Variants in MAN2A1 observed in about 807,000 individuals in gnomAD.
MAN2A1 encodes mannosidase alpha class 2A member 1.
Under a neutral mutation model 142.6 loss-of-function variants are expected in MAN2A1, and 76 were observed. The ratio of observed to expected loss-of-function variants is 0.53; its 90% CI spans 0.44 to 0.65. The LOEUF (loss-of-function observed/expected upper bound fraction) is 0.65, where lower values mean the gene tolerates loss of function less well. MAN2A1 is among the 30% of genes least tolerant of loss of function. The pLI, the probability that MAN2A1 is intolerant of heterozygous loss-of-function variation, is 0.00. For synonymous variants in MAN2A1, 559 were observed against 473.2 expected, an observed-to-expected ratio of 1.18 and a Z score of -2.35; for missense variants, 1,311 against 1,365.1, an observed-to-expected ratio of 0.96 and a Z score of 0.62.
Position 109,842,806 on chromosome 5 carries a change from G to GTTTTTTTTTT in MAN2A1, c.2700+353_2700+362dup, listed in dbSNP as rs768238978. The stretch of plus-strand genomic sequence containing the variant: ...GGGATTGATGGATTATACTTATTGG[G>GTTTTTTTTTT]TTTTTTTTTTTTTTTTTGAGAAAGA... On this transcript the variant is annotated intron_variant, in intron 17 of 21. Transcript: ENST00000261483. Among the ~76,000 whole-genome samples, 26 of 116,210 alleles carry GTTTTTTTTTT rather than the reference G, an allele frequency of 2.2e-4. 2 individuals carry two copies. The highest frequency in any genetic ancestry group is 3.1e-4 in the East Asian group (1 of 3,180). The allele number at this position is 116,210 out of a possible 152,430, so 76.2% of individuals were successfully genotyped here. A position where few individuals can be genotyped will look rare whatever the true frequency, so the allele number is the denominator to read the frequency against.
intron 3 of MAN2A1, among the ~76,000 whole-genome samples, chr5:109,723,097 A>G (rs1010029015): frequency 2.0e-5 from 3 of 152,180 alleles, no homozygotes; most frequent in Admixed American, 2.0e-4. Flanking sequence ...ATAAGGGGTC[A>G]CAGTTGTACA....
At chr5:109,846,035 C>G in intron 18 of MAN2A1, 29 bp downstream of exon 18, 1 of 1,568,520 alleles carries the variant, frequency 6.4e-7, no homozygotes, top group Non-Finnish European at 8.6e-7. Context: ...CTTTTCCACT[C>G]TGAAAGGTTT....
At chr5:109,790,796 A>G (rs149163147) in intron 12 of MAN2A1, among the ~76,000 whole-genome samples, 2,246 of 152,112 alleles carry the variant, frequency 0.015, 37 homozygotes, top group Middle Eastern at 0.068. Flanking sequence ...GCTGGTTATA[A>G]GAATAATATA....
At chr5:109,808,368 AG>A (rs1442160317) in intron 12 of MAN2A1, among the ~76,000 whole-genome samples, 1 of 152,206 alleles carries the variant, frequency 6.6e-6, no homozygotes, top group Non-Finnish European at 1.5e-5. Context: ...AACCTAGAGG[AG>A]GTAACTATTA....
intron 20 of MAN2A1, 84 bp downstream of exon 20, chr5:109,855,418 T>A (rs185155660): frequency 2.4e-6 from 2 of 837,784 alleles, no homozygotes; most frequent in African/African-American, 3.5e-5. Context: ...AAAAAAATAA[T>A]GTATGCTTTA....
intron 3 of MAN2A1, among the ~76,000 whole-genome samples, chr5:109,720,844 C>T (rs1336526477): frequency 6.6e-6 from 1 of 152,192 alleles, no homozygotes; most frequent in Non-Finnish European, 1.5e-5. Context: ...AGGAACTTTA[C>T]TGATCAGAAT....
In MAN2A1 at chr5:109,704,829, G is replaced by A. The variant is rs73217330; in HGVS notation, c.136-8691G>A. ...TCTTAACTGGGGATGTGTGAGAATC[G>A]CCTGGTGAGCCATTTTAAATTATAA... On this transcript the variant is annotated intron_variant, in intron 1 of 21. Transcript: ENST00000261483. Among the ~76,000 whole-genome samples, 419 of 152,208 alleles carry A rather than the reference G, an allele frequency of 2.8e-3. 1 individual carries two copies. The highest frequency in any genetic ancestry group is 8.1e-3 in the African/African-American group (337 of 41,538).
intron 4 of MAN2A1, among the ~76,000 whole-genome samples, chr5:109,734,565 G>C (rs967786658): frequency 6.6e-6 from 1 of 152,112 alleles, no homozygotes; most frequent in African/African-American, 2.4e-5. Flanking sequence ...ATTCTGGTAT[G>C]TTGTGTCTTT....
chr5:109,693,226 A>G (rs866328932), intron 1 of MAN2A1, among the ~76,000 whole-genome samples: 3 of 152,134 alleles, frequency 2.0e-5, no homozygotes, highest in South Asian at 2.1e-4. Flanking sequence ...AGAGCTAAAC[A>G]TTATAATGAA....
chr5:109,740,986 A>T (rs1250542957), intron 4 of MAN2A1, among the ~76,000 whole-genome samples: 2 of 152,288 alleles, frequency 1.3e-5, no homozygotes, highest in Non-Finnish European at 2.9e-5. Context: ...GATATACAAA[A>T]ATGGCAATTT....
At chr5:109,774,646 C>T in intron 7 of MAN2A1, 142 bp from the exon 8 acceptor site, 4 of 600,350 alleles carry the variant, frequency 6.7e-6, no homozygotes, top group South Asian at 2.1e-5. Flanking sequence ...TTATACTAAC[C>T]TTGCAGATAG....
At position 109,869,037 on chromosome 5, in the gene MAN2A1, T is replaced by TG. The variant is rs1215305228; in HGVS notation, c.*2040dup. 6.6e-6 allele frequency: 1 copy of TG among 152,230 alleles called. No homozygotes were observed. Among genetic ancestry groups the TG allele is most frequent in the Non-Finnish European group, 1.5e-5 (1 of 68,046 alleles). 9.4% of individuals were successfully genotyped at this position (152,230 alleles called of 1,614,324 possible). ...GTCTGGGGTTTTATTCAGCTTGTGT[T>TG]GCTACCAGCAGTTCACAGGTAAAGC... On this transcript the variant is annotated 3_prime_UTR_variant, in exon 22 of 22. Coordinates refer to ENST00000261483, the MANE Select transcript of MAN2A1 (RefSeq NM_002372.4).
chr5:109,705,853 A>G (rs964282732), intron 1 of MAN2A1, among the ~76,000 whole-genome samples: 74 of 152,108 alleles, frequency 4.9e-4, no homozygotes, highest in Non-Finnish European at 1.3e-4. Context: ...CAATAGCATC[A>G]TTCTGATTTC....
At position 109,776,143 on chromosome 5, in the gene MAN2A1, A is replaced by G. The variant is rs554855852; in HGVS notation, c.1374+1178A>G. Among the ~76,000 whole-genome samples, 29 of 149,890 alleles carry G rather than the reference A, an allele frequency of 1.9e-4. No homozygotes were observed. In the Middle Eastern group the frequency reaches 0.01, roughly 54 times the overall value. On this transcript the variant is annotated intron_variant, in intron 8 of 21. Transcript: ENST00000261483. ...AGATTAATTATTCAGCATGTTTATT[A>G]TTTCACATATTGACATGTAAAAGTA...
At chr5:109,788,221 A>AG (rs1332682050) in intron 10 of MAN2A1, among the ~76,000 whole-genome samples, 2 of 149,802 alleles carry the variant, frequency 1.3e-5, no homozygotes, top group Non-Finnish European at 3.0e-5. Flanking sequence ...TGAATTAGGA[A>AG]AAAAAAAAAA....
intron 3 of MAN2A1, among the ~76,000 whole-genome samples, chr5:109,725,695 G>A (rs1751725520): frequency 6.6e-6 from 1 of 152,178 alleles, no homozygotes; most frequent in South Asian, 2.1e-4. Flanking sequence ...CCTCATGGTG[G>A]TACTTAGTGT....
intron 18 of MAN2A1, among the ~76,000 whole-genome samples, chr5:109,846,271 A>G (rs1194299831): frequency 2.0e-5 from 3 of 152,192 alleles, no homozygotes; most frequent in Non-Finnish European, 4.4e-5. Context: ...TGCTTCTCCT[A>G]ATAGTATGTA....
At chr5:109,854,708 G>A (rs1464083544) in intron 19 of MAN2A1, 1 of 153,360 alleles carries the variant, frequency 6.5e-6, no homozygotes, top group African/African-American at 2.4e-5. Flanking sequence ...TCTTGTTAAG[G>A]GGTATAAATG....
intron 16 of MAN2A1, among the ~76,000 whole-genome samples, chr5:109,835,544 G>A (rs1366650268): frequency 2.6e-5 from 4 of 152,090 alleles, no homozygotes; most frequent in Admixed American, 6.5e-5. Flanking sequence ...TAGGATTCTC[G>A]CCATCACTTG....
Sources: allele counts gnomAD v4.1 joint callset (sites outside exome capture counted in the v4.1 genomes callset), GRCh38; gene constraint gnomAD v4.1.1; transcripts MANE v1.5; gene names NCBI Gene and HGNC (gene_info 2026-07-23, HGNC 2026-07-21).